SLC24A2: variants seen among roughly 807,000 people sequenced by gnomAD.
SLC24A2 encodes the protein solute carrier family 24 member 2, also known as sodium/potassium/calcium exchanger 2.
A neutral mutation model predicts 62.0 loss-of-function variants in SLC24A2; 36 were observed. The ratio of observed to expected loss-of-function variants is 0.58; its 90% CI spans 0.44 to 0.77. The LOEUF is 0.77. SLC24A2 is among the 30% of genes least tolerant of loss of function. SLC24A2 has a pLI of 0.00. For missense variants in SLC24A2, 846 were observed against 817.9 expected (o/e 1.03, Z -0.42); for synonymous variants, 358 against 294.0 (o/e 1.22, Z -2.23).
At chr9:19,913,887 T>C in the SLC24A2 span, among the ~76,000 whole-genome samples, 12 of 152,148 alleles carry the variant, frequency 7.9e-5, no homozygotes, top group East Asian at 2.3e-3. Context: ...TTTCTTTTTT[T>C]AATTTTTGTT....
chr9:20,045,077 G>GT, the SLC24A2 span, among the ~76,000 whole-genome samples: 1 of 152,174 alleles, frequency 6.6e-6, no homozygotes, highest in Non-Finnish European at 1.5e-5. Context: ...TAAATAAAAT[G>GT]TATCAATTTA....
At chr9:20,011,420 G>T in the SLC24A2 span, among the ~76,000 whole-genome samples, 1 of 152,124 alleles carries the variant, frequency 6.6e-6, no homozygotes, top group African/African-American at 2.4e-5. Flanking sequence ...TTTGAGAAGT[G>T]TCTCAAAAGA....
chr9:20,144,003 T>C, the SLC24A2 span, among the ~76,000 whole-genome samples: 1 of 152,200 alleles, frequency 6.6e-6, no homozygotes, highest in East Asian at 1.9e-4. Flanking sequence ...TCTCTTCCTC[T>C]ACAAGACAGG....
the SLC24A2 span, among the ~76,000 whole-genome samples, chr9:19,811,806 CATTATT>C: frequency 6.6e-6 from 1 of 152,052 alleles, no homozygotes; most frequent in African/African-American, 2.4e-5. Context: ...CCTTGCAAGA[CATTATT>C]ATTATCATTG....
At chr9:20,098,918 G>C in the SLC24A2 span, among the ~76,000 whole-genome samples, 4 of 152,282 alleles carry the variant, frequency 2.6e-5, no homozygotes, top group African/African-American at 9.6e-5. Flanking sequence ...ACTGATTTTA[G>C]ACCCTGCTCT....
chr9:19,991,985 C>T, the SLC24A2 span, among the ~76,000 whole-genome samples: 2 of 152,060 alleles, frequency 1.3e-5, no homozygotes, highest in African/African-American at 4.8e-5. Context: ...AGTAAGTCAC[C>T]CAAGTTTTTA....
chr9:20,268,531 C>G, the SLC24A2 span, among the ~76,000 whole-genome samples: 1 of 152,178 alleles, frequency 6.6e-6, no homozygotes, highest in Non-Finnish European at 1.5e-5. Context: ...AGCTAGCACA[C>G]TCAGCTCCCT....
the SLC24A2 span, among the ~76,000 whole-genome samples, chr9:19,971,033 A>T: frequency 2.0e-5 from 3 of 152,148 alleles, no homozygotes; most frequent in African/African-American, 7.2e-5. Flanking sequence ...GGTCAATGGG[A>T]TACTAACAAA....
the SLC24A2 span, among the ~76,000 whole-genome samples, chr9:19,889,328 A>C: frequency 0.48 from 72,700 of 151,908 alleles, 19,923 homozygotes; most frequent in Non-Finnish European, 0.62. Context: ...ATTATAGGGG[A>C]AAAAGCATCC....
At chr9:20,102,607 C>T in the SLC24A2 span, among the ~76,000 whole-genome samples, 11 of 151,172 alleles carry the variant, frequency 7.3e-5, no homozygotes, top group Middle Eastern at 3.4e-3. Context: ...CAAACCTGCA[C>T]ATTCTGCACA....
chr9:20,210,175 T>G, the SLC24A2 span, among the ~76,000 whole-genome samples: 3 of 152,170 alleles, frequency 2.0e-5, no homozygotes, highest in Admixed American at 2.0e-4. Context: ...AGACCTGCTG[T>G]GGTTTTCTTT....
chr9:20,298,083 C>G, the SLC24A2 span, among the ~76,000 whole-genome samples: 1 of 152,312 alleles, frequency 6.6e-6, no homozygotes, highest in African/African-American at 2.4e-5. Flanking sequence ...GCAGGCAGGA[C>G]AGCCACAGAA....
chr9:19,862,569 T>C, the SLC24A2 span, among the ~76,000 whole-genome samples: 3 of 152,058 alleles, frequency 2.0e-5, no homozygotes, highest in Non-Finnish European at 4.4e-5. Flanking sequence ...AACTGTGGTG[T>C]ATAAACTACT....
the SLC24A2 span, among the ~76,000 whole-genome samples, chr9:20,122,978 A>G: frequency 7.2e-5 from 11 of 152,352 alleles, no homozygotes; most frequent in African/African-American, 1.4e-4. Context: ...AGCAACATCT[A>G]CTGATCACCC....
chr9:20,173,719 C>T, the SLC24A2 span, among the ~76,000 whole-genome samples: 31 of 151,992 alleles, frequency 2.0e-4, no homozygotes, highest in Non-Finnish European at 3.7e-4. Context: ...CAAATGGAAA[C>T]ATGTTCCATG....
the SLC24A2 span, among the ~76,000 whole-genome samples, chr9:20,003,189 C>T: frequency 6.6e-6 from 1 of 152,148 alleles, no homozygotes; most frequent in African/African-American, 2.4e-5. Context: ...TAATATATGG[C>T]AACTAACCAA....
At chr9:19,967,590 A>T in the SLC24A2 span, 1 of 152,236 alleles carries the variant, frequency 6.6e-6, no homozygotes, top group African/African-American at 2.4e-5. Flanking sequence ...CCAGTTCTTT[A>T]TATCAAGCCC....
chr9:19,928,692 T>C, the SLC24A2 span: 1 of 152,206 alleles, frequency 6.6e-6, no homozygotes, highest in Non-Finnish European at 1.5e-5. Flanking sequence ...AGAACCCTTT[T>C]ATAAGGTAGG....
chr9:20,052,115 A>T, the SLC24A2 span, among the ~76,000 whole-genome samples: 1 of 152,176 alleles, frequency 6.6e-6, no homozygotes, highest in Admixed American at 6.5e-5. Flanking sequence ...CTGATTAGAT[A>T]TGTTGATGAT....
Sources: gnomAD v4.1 joint callset for allele counts (sites outside exome capture counted in the v4.1 genomes callset) on GRCh38, gnomAD v4.1.1 for gene constraint, MANE v1.5 for transcripts, NCBI Gene and HGNC (gene_info 2026-07-23, HGNC 2026-07-21) for gene names.